The following SPHKAP variants were observed in gnomAD, a reference collection of about 807,000 sequenced individuals.
The protein encoded by SPHKAP is A-kinase anchor protein SPHKAP.
In SPHKAP, 67 loss-of-function variants were observed where a neutral mutation model predicts 137.5. That is an observed-to-expected ratio of 0.49 (90% CI 0.40 to 0.60). SPHKAP has a LOEUF of 0.60. SPHKAP is among the 20% of genes least tolerant of loss of function. SPHKAP has a pLI of 0.00. For missense variants in SPHKAP, 2,097 were observed against 2,069.3 expected, an observed-to-expected ratio of 1.01 and a Z score of -0.26; for synonymous variants, 813 against 785.3, an observed-to-expected ratio of 1.04 and a Z score of -0.59.
At chr2:228,082,234 T>C (rs1054796574) in intron 3 of SPHKAP, among the ~76,000 whole-genome samples, 9 of 152,154 alleles carry the variant, frequency 5.9e-5, no homozygotes, top group Admixed American at 5.9e-4. Flanking sequence ...GCAGGTGACA[T>C]GGCCGGGAGG....
At chr2:228,036,565 T>C (rs1695606253) in intron 3 of SPHKAP, among the ~76,000 whole-genome samples, 1 of 152,122 alleles carries the variant, frequency 6.6e-6, no homozygotes, top group African/African-American at 2.4e-5. Context: ...ATCATGCTGC[T>C]ATAAAGACAC....
chr2:228,017,601 T>G lies in SPHKAP; in HGVS notation c.3253A>C (p.Ser1085Arg). ...GCCTCGGAGTCTTCCTCAGGAATGCTTTCGCAGCTGGAGGCCTTCAGCCGG... is the reference window on the plus strand; with the variant it reads ...GCCTCGGAGTCTTCCTCAGGAATGCGTTCGCAGCTGGAGGCCTTCAGCCGG... ...WSRLKASSCE[S>R]IPEEDSEARA... The change falls in exon 7 of 12, where the codon AGC becomes CGC. Residue 1085 changes from serine (S) to arginine (R), a missense_variant. Coordinates refer to ENST00000392056, the MANE Select transcript of SPHKAP (RefSeq NM_001142644.2). 1.2e-6 allele frequency: 2 copies of G among 1,613,944 alleles called. No homozygotes were observed. The highest frequency in any genetic ancestry group is 1.7e-6 in the Non-Finnish European group (2 of 1,180,032).
At chr2:228,091,089 C>T (rs1425880601) in intron 3 of SPHKAP, among the ~76,000 whole-genome samples, 1 of 151,932 alleles carries the variant, frequency 6.6e-6, no homozygotes, top group Non-Finnish European at 1.5e-5. Flanking sequence ...AAGTAATATG[C>T]TATTATGTGG....
At chr2:228,128,286 G>T (rs115450338) in intron 2 of SPHKAP, among the ~76,000 whole-genome samples, 1 of 152,252 alleles carries the variant, frequency 6.6e-6, no homozygotes, top group South Asian at 2.1e-4. Context: ...TTTCACAAAC[G>T]TTCACAGCAT....
intron 7 of SPHKAP, among the ~76,000 whole-genome samples, chr2:228,014,082 C>T (rs556588612): frequency 4.8e-4 from 73 of 152,254 alleles, no homozygotes; most frequent in South Asian, 1.9e-3. Flanking sequence ...AGGATAATAT[C>T]AGTGACATTT....
At chr2:228,103,549 C>T (rs1405290731) in intron 3 of SPHKAP, among the ~76,000 whole-genome samples, 3 of 152,194 alleles carry the variant, frequency 2.0e-5, no homozygotes, top group Non-Finnish European at 2.9e-5. Context: ...CAGAAATAAG[C>T]CCTCTCTGGT....
At chr2:228,113,987 G>T (rs1464757506) in intron 2 of SPHKAP, among the ~76,000 whole-genome samples, 3 of 152,134 alleles carry the variant, frequency 2.0e-5, no homozygotes, top group Admixed American at 6.6e-5. Flanking sequence ...ATTAGGAAAA[G>T]AAGAATGCTT....
intron 1 of SPHKAP, chr2:228,173,141 G>A: frequency 2.4e-6 from 2 of 817,076 alleles, no homozygotes; most frequent in Non-Finnish European, 1.5e-6. Flanking sequence ...TATGGCAGAG[G>A]AGGAACAAAT....
At chr2:227,985,139 C>A (rs1433666171) in intron 11 of SPHKAP, among the ~76,000 whole-genome samples, 1 of 152,158 alleles carries the variant, frequency 6.6e-6, no homozygotes, top group Non-Finnish European at 1.5e-5. Context: ...AAATAACTCA[C>A]CAGCTAGGCC....
At chr2:228,105,511 G>C (rs951250421) in intron 3 of SPHKAP, among the ~76,000 whole-genome samples, 2 of 152,134 alleles carry the variant, frequency 1.3e-5, no homozygotes, top group Admixed American at 6.6e-5. Flanking sequence ...TATATTGTTT[G>C]ATAGGAGACT....
intron 3 of SPHKAP, among the ~76,000 whole-genome samples, chr2:228,063,345 A>G (rs1456810026): frequency 6.6e-6 from 1 of 152,180 alleles, no homozygotes; most frequent in East Asian, 1.9e-4. Context: ...ACTTCTGATT[A>G]TATAATATGA....
intron 7 of SPHKAP, among the ~76,000 whole-genome samples, chr2:228,011,816 C>T (rs1244815493): frequency 2.0e-5 from 3 of 152,134 alleles, no homozygotes; most frequent in Non-Finnish European, 2.9e-5. Context: ...TCTAGCACCT[C>T]ACATACTTAT....
At position 227,980,533 on chromosome 2, in the gene SPHKAP, A is replaced by G. The variant is rs1692958464; in HGVS notation, c.*1184T>C. 1 of 152,246 alleles carries G rather than the reference A, an allele frequency of 6.6e-6. No individual in the cohort carries two copies. The allele number at this position is 152,246 out of a possible 1,614,324, so 9.4% of individuals were successfully genotyped here. A position where few individuals can be genotyped will look rare whatever the true frequency, so the allele number is the denominator to read the frequency against. ...AGGAAAGAAGACTTATTAGGGAGAC[A>G]TTAGATACCTTTATTTTTCAAAAGA... is the stretch of plus-strand genomic sequence containing the variant. On this transcript the variant is annotated 3_prime_UTR_variant, in exon 12 of 12. Transcript: ENST00000392056.
At position 228,016,486 on chromosome 2, in the gene SPHKAP, T is replaced by G; in HGVS notation, c.4368A>C (p.Ala1456=). ...TGTTTTTGTCATTCGAATGCCCTTCTGCTTCCTCTAGGAGGCTGCTTTTGG... is the reference window on the plus strand; with the variant it reads ...TGTTTTTGTCATTCGAATGCCCTTCGGCTTCCTCTAGGAGGCTGCTTTTGG... ...FLSKSSLLEE[A]EGHSNDKNIP... The change falls in exon 7 of 12, where the codon GCA becomes GCC. Residue 1456 remains alanine (A), a synonymous_variant. Transcript: ENST00000392056. The G allele has an allele frequency of 6.2e-7, 1 of 1,613,802 alleles. No homozygotes were observed.
At chr2:228,030,513 C>CAAAAAAAAAAAAAAAAAAAAAAAA (rs11287311) in intron 3 of SPHKAP, among the ~76,000 whole-genome samples, 1 of 48,762 alleles carries the variant, frequency 2.1e-5, no homozygotes, top group African/African-American at 7.4e-5. Context: ...GATACCATCT[C>CAAAAAAAAAAAAAAAAAAAAAAAA]AAAAAAAAAA....
chr2:228,016,858 G>T lies in SPHKAP; in HGVS notation c.3996C>A (p.Asp1332Glu). The change falls in exon 7 of 12, where the codon GAC becomes GAA. Residue 1332 changes from aspartate (D) to glutamate (E), a missense_variant. By Grantham distance (45) the Asp-to-Glu change is conservative. Coordinates refer to ENST00000392056, the MANE Select transcript of SPHKAP (RefSeq NM_001142644.2). The stretch of plus-strand genomic sequence containing the variant: ...GAGAGCCACCAGAAACAGGCTCAGT[G>T]TCAGCTTCCTCTGCATCATCCACAA... ...KIIVDDAEEA[D>E]TEPVSGGSPS... 1 of 1,614,086 alleles carries T rather than the reference G, an allele frequency of 6.2e-7. No homozygotes were observed. Among genetic ancestry groups the T allele is most frequent in the Non-Finnish European group, 8.5e-7 (1 of 1,180,000 alleles).
chr2:227,993,452 C>A (rs1693495371), intron 9 of SPHKAP, 82 bp downstream of exon 9: 1 of 1,308,046 alleles, frequency 7.6e-7, no homozygotes, highest in African/African-American at 1.5e-5. Context: ...AGTGGTTGGG[C>A]ACAACCTGAA....
intron 1 of SPHKAP, among the ~76,000 whole-genome samples, chr2:228,170,658 A>G (rs1041639983): frequency 6.6e-6 from 1 of 152,162 alleles, no homozygotes; most frequent in Non-Finnish European, 1.5e-5. Flanking sequence ...AGATATGTAC[A>G]TTATGGTTTT....
At position 228,181,489 on chromosome 2, in the gene SPHKAP, G is replaced by A; in HGVS notation, c.32+78C>T. On this transcript the variant is annotated intron_variant, in intron 1 of 11. Transcript: ENST00000392056. The surrounding 1 kb of genome is among the most constrained non-coding windows in gnomAD (Gnocchi z 4.3). The stretch of plus-strand genomic sequence containing the variant: ...CCCGTGCAAACCGAAGCGCTCTGGG[G>A]CAAGTTGGTGAGCGACTCACAACGC... 3 of 1,604,786 alleles carry A rather than the reference G, an allele frequency of 1.9e-6. No homozygotes were observed. The highest frequency in any genetic ancestry group is 1.7e-5 in the Admixed American group (1 of 59,974).
Sources: allele counts gnomAD v4.1 joint callset (sites outside exome capture counted in the v4.1 genomes callset), GRCh38; gene constraint gnomAD v4.1.1; non-coding constraint Gnocchi (gnomAD v3.1); transcripts MANE v1.5; gene names NCBI Gene and HGNC (gene_info 2026-07-23, HGNC 2026-07-21).